FSIP1: variants seen among roughly 807,000 people sequenced by gnomAD.
FSIP1 encodes fibrous sheath interacting protein 1, also known as fibrous sheath-interacting protein 1.
Under a neutral mutation model 60.9 loss-of-function variants are expected in FSIP1, and 65 were observed. The observed-to-expected ratio is 1.07, with a 90% confidence interval of 0.87 to 1.31. FSIP1 has a LOEUF of 1.31. Among genes scored for constraint, FSIP1 ranks in the 40% most tolerant of loss-of-function variants. The pLI, the probability that FSIP1 is intolerant of heterozygous loss-of-function variation, is 0.00. For missense variants in FSIP1, 675 were observed against 665.5 expected, an observed-to-expected ratio of 1.01 and a Z score of -0.16; for synonymous variants, 209 against 221.2, an observed-to-expected ratio of 0.94 and a Z score of 0.49.
chr15:39,602,805 G>C (rs980846611), intron 11 of FSIP1, among the ~76,000 whole-genome samples: 1 of 152,140 alleles, frequency 6.6e-6, no homozygotes, highest in Non-Finnish European at 1.5e-5. Flanking sequence ...CTATAGTGTT[G>C]TCTATGTACT....
At chr15:39,710,214 G>T (rs1895441604) in intron 10 of FSIP1, among the ~76,000 whole-genome samples, 1 of 152,022 alleles carries the variant, frequency 6.6e-6, no homozygotes, top group African/African-American at 2.4e-5. Flanking sequence ...CAGGCATGGT[G>T]GCTCAAGCCT....
chr15:39,669,636 T>C (rs935936420), intron 10 of FSIP1, among the ~76,000 whole-genome samples: 9 of 152,224 alleles, frequency 5.9e-5, no homozygotes, highest in Non-Finnish European at 8.8e-5. Context: ...ATGCCAAGTT[T>C]GAACATTCAA....
chr15:39,716,154 T>A (rs1895730470), intron 9 of FSIP1, among the ~76,000 whole-genome samples: 1 of 152,178 alleles, frequency 6.6e-6, no homozygotes, highest in Non-Finnish European at 1.5e-5. Context: ...AAAAATGGTA[T>A]CAAGGTCTCT....
At chr15:39,716,750 A>G (rs1013550082) in intron 9 of FSIP1, among the ~76,000 whole-genome samples, 4 of 150,748 alleles carry the variant, frequency 2.7e-5, no homozygotes, top group African/African-American at 9.8e-5. Flanking sequence ...AACAACAGGG[A>G]CTCTCTTACA....
At chr15:39,703,316 T>C (rs1895136119) in intron 10 of FSIP1, among the ~76,000 whole-genome samples, 1 of 152,218 alleles carries the variant, frequency 6.6e-6, no homozygotes, top group African/African-American at 2.4e-5. Flanking sequence ...TCTCAAGATA[T>C]GGCACATTAT....
At chr15:39,770,762 C>G (rs760990196) in intron 2 of FSIP1, 152 bp from the exon 3 acceptor site, 26 of 520,312 alleles carry the variant, frequency 5.0e-5, no homozygotes, top group Non-Finnish European at 7.0e-5. Flanking sequence ...ATATAACACT[C>G]TAATTAAATG....
At chr15:39,779,042 A>T (rs745474255) in intron 1 of FSIP1, among the ~76,000 whole-genome samples, 1 of 152,172 alleles carries the variant, frequency 6.6e-6, no homozygotes, top group Admixed American at 6.5e-5. Context: ...TCAAACATGA[A>T]AAAGAACTCT....
rs936412515 is a variant in FSIP1, at chr15:39,600,304, T to G, written c.*576A>C. ...AATAAGAAACTATTGTTAACTATTA[T>G]TAACAAAGTAATATATCAAATAATT... is the stretch of plus-strand genomic sequence containing the variant. On this transcript the variant is annotated 3_prime_UTR_variant, in exon 12 of 12. Coordinates refer to ENST00000350221, the MANE Select transcript of FSIP1 (RefSeq NM_152597.5). The G allele has an allele frequency of 2.0e-5, 3 of 152,248 alleles. No homozygotes were observed. Among genetic ancestry groups the G allele is most frequent in the African/African-American group, 7.2e-5 (3 of 41,462 alleles). The allele number at this position is 152,248 out of a possible 1,614,324, so 9.4% of individuals were successfully genotyped here.
intron 3 of FSIP1, among the ~76,000 whole-genome samples, chr15:39,768,046 T>G (rs1337628245): frequency 6.6e-6 from 1 of 152,164 alleles, no homozygotes; most frequent in Non-Finnish European, 1.5e-5. Context: ...ATTTGGGAGT[T>G]GTAAACACTC....
chr15:39,744,921 G>C (rs909795316), intron 5 of FSIP1, among the ~76,000 whole-genome samples: 11 of 152,040 alleles, frequency 7.2e-5, no homozygotes, highest in African/African-American at 2.7e-4. Context: ...CCTTCCACCA[G>C]AGAGGATGTG....
At chr15:39,654,259 T>C (rs143053597) in intron 10 of FSIP1, among the ~76,000 whole-genome samples, 1 of 152,362 alleles carries the variant, frequency 6.6e-6, no homozygotes, top group East Asian at 1.9e-4. Flanking sequence ...GTCAAGTACA[T>C]ACTATGCATA....
chr15:39,612,933 G>A (rs1891087398), intron 11 of FSIP1, among the ~76,000 whole-genome samples: 1 of 151,844 alleles, frequency 6.6e-6, no homozygotes, highest in South Asian at 2.1e-4. Flanking sequence ...TACATCATAA[G>A]ATACATTGCA....
At chr15:39,716,856 C>A (rs1441802428) in intron 9 of FSIP1, among the ~76,000 whole-genome samples, 2 of 114,368 alleles carry the variant, frequency 1.7e-5, no homozygotes, top group Non-Finnish European at 3.2e-5. Context: ...CGCTCTGTTG[C>A]CAGGCTGGAG....
At chr15:39,767,712 C>T (rs996555209) in intron 3 of FSIP1, among the ~76,000 whole-genome samples, 1 of 152,290 alleles carries the variant, frequency 6.6e-6, no homozygotes, top group African/African-American at 2.4e-5. Flanking sequence ...GATGCAGATG[C>T]GAAGGTGAGT....
intron 5 of FSIP1, among the ~76,000 whole-genome samples, chr15:39,754,492 T>C (rs913271643): frequency 6.6e-6 from 1 of 151,964 alleles, no homozygotes; most frequent in Non-Finnish European, 1.5e-5. Flanking sequence ...TGAAAACTGT[T>C]TGAATAATCT....
At chr15:39,698,164 AAT>A (rs946646901) in intron 10 of FSIP1, among the ~76,000 whole-genome samples, 11 of 132,986 alleles carry the variant, frequency 8.3e-5, no homozygotes, top group African/African-American at 1.3e-4. Context: ...CTGGATTTCA[AAT>A]ATATATATAT....
chr15:39,635,380 G>A (rs1892090279), intron 10 of FSIP1, among the ~76,000 whole-genome samples: 1 of 151,222 alleles, frequency 6.6e-6, no homozygotes, highest in Non-Finnish European at 1.5e-5. Flanking sequence ...GCATACCAAA[G>A]ATCAAGGCAT....
intron 11 of FSIP1, among the ~76,000 whole-genome samples, chr15:39,616,672 G>C (rs185445579): frequency 6.6e-6 from 1 of 152,232 alleles, no homozygotes; most frequent in Admixed American, 6.5e-5. Context: ...CTTCAGGTCA[G>C]ATCATGGAGA....
intron 11 of FSIP1, 142 bp from the exon 12 acceptor site, chr15:39,601,068 T>C (rs562121630): frequency 2.5e-5 from 15 of 593,804 alleles, no homozygotes; most frequent in Non-Finnish European, 4.0e-5. Flanking sequence ...TACTGAACAG[T>C]CACCACGAGC....
Sources: gnomAD v4.1 joint callset for allele counts (sites outside exome capture counted in the v4.1 genomes callset) on GRCh38, gnomAD v4.1.1 for gene constraint, MANE v1.5 for transcripts, NCBI Gene and HGNC (gene_info 2026-07-23, HGNC 2026-07-21) for gene names.